The following ARMH3 variants were observed in gnomAD, a reference collection of about 807,000 sequenced individuals.
ARMH3 encodes armadillo like helical domain containing 3, also known as armadillo-like helical domain-containing protein 3.
ARMH3 carries 60 observed loss-of-function variants against 99.1 expected under a neutral mutation model. The observed-to-expected ratio is 0.61, with a 90% CI of 0.49 to 0.75. The LOEUF (loss-of-function observed/expected upper bound fraction) is 0.75, where lower values mean the gene tolerates loss of function less well. Among genes scored for constraint, ARMH3 ranks in the 30% least tolerant of loss-of-function variants. ARMH3 has a pLI of 0.00. For synonymous variants in ARMH3, 285 were observed against 292.8 expected (o/e 0.97, Z 0.27); for missense variants, 679 against 843.1 (o/e 0.81, Z 2.41).
chr10:101,995,666 C>T (rs924796024), intron 15 of ARMH3, among the ~76,000 whole-genome samples: 1 of 152,278 alleles, frequency 6.6e-6, no homozygotes, highest in Admixed American at 6.5e-5. Flanking sequence ...CTCACATCAG[C>T]CCTTTGCTGA....
At chr10:101,872,657 T>A (rs183747331) in intron 24 of ARMH3, among the ~76,000 whole-genome samples, 2 of 151,892 alleles carry the variant, frequency 1.3e-5, no homozygotes, top group Admixed American at 1.3e-4. Flanking sequence ...ACTAATAATA[T>A]TAAAAAGTTG....
intron 1 of ARMH3, among the ~76,000 whole-genome samples, chr10:102,045,103 C>T (rs1043763780): frequency 7.2e-6 from 1 of 138,140 alleles, no homozygotes; most frequent in African/African-American, 2.8e-5. Context: ...TGCATCCAGC[C>T]TGAGCAACAG....
intron 10 of ARMH3, among the ~76,000 whole-genome samples, chr10:102,012,294 T>C (rs544961145): frequency 2.0e-5 from 3 of 152,292 alleles, no homozygotes; most frequent in Admixed American, 1.3e-4. Flanking sequence ...CTGGTTTCCA[T>C]TCACTAATGT....
rs189479897 is a variant in ARMH3, at chr10:101,961,570, C to A, written c.1496-3838G>T. The stretch of plus-strand genomic sequence containing the variant: ...TTATGCCAAAAAAGACAGGTTTAGG[C>A]CAAAGAAGAAAATGCCCTGTGTCAG... On this transcript the variant is annotated intron_variant, in intron 20 of 25. Coordinates refer to ENST00000370033, the MANE Select transcript of ARMH3 (RefSeq NM_024541.3). Among the ~76,000 whole-genome samples the A allele has an allele frequency of 1.1e-4, 17 of 152,186 alleles. No individual in the cohort carries two copies. In the East Asian group the frequency reaches 3.1e-3, roughly 28 times the overall value.
chr10:102,021,478 G>A (rs1312368250), intron 8 of ARMH3, among the ~76,000 whole-genome samples: 2 of 151,858 alleles, frequency 1.3e-5, no homozygotes, highest in Non-Finnish European at 2.9e-5. Flanking sequence ...AAACTCCTGG[G>A]CTCAAGCAAT....
chr10:102,021,120 A>T (rs978611852), intron 8 of ARMH3, among the ~76,000 whole-genome samples: 1 of 152,174 alleles, frequency 6.6e-6, no homozygotes, highest in Non-Finnish European at 1.5e-5. Flanking sequence ...TTTGTCACCC[A>T]GGCTGGAGTG....
chr10:101,851,962 G>A (rs1417999323), intron 24 of ARMH3, among the ~76,000 whole-genome samples: 1 of 152,182 alleles, frequency 6.6e-6, no homozygotes, highest in East Asian at 1.9e-4. Context: ...CTGCACTCGT[G>A]GCTGGAATAT....
At chr10:101,849,721 C>G (rs1160622727) in intron 25 of ARMH3, 55 bp downstream of exon 25, 1 of 1,464,850 alleles carries the variant, frequency 6.8e-7, no homozygotes, top group Non-Finnish European at 9.5e-7. Flanking sequence ...AACTGCAGAA[C>G]CCAGTGGCTG....
intron 1 of ARMH3, among the ~76,000 whole-genome samples, chr10:102,055,791 G>A (rs2067833829): frequency 6.6e-6 from 1 of 152,328 alleles, no homozygotes; most frequent in South Asian, 2.1e-4. Flanking sequence ...GAAGCCAGAA[G>A]GCCCCGCAGG....
At chr10:101,960,664 G>A (rs1301253990) in intron 20 of ARMH3, among the ~76,000 whole-genome samples, 1 of 152,046 alleles carries the variant, frequency 6.6e-6, no homozygotes, top group Non-Finnish European at 1.5e-5. Flanking sequence ...GCTGAGGCAG[G>A]CTGATCATGA....
intron 24 of ARMH3, among the ~76,000 whole-genome samples, chr10:101,874,970 A>G (rs866926332): frequency 3.3e-5 from 5 of 152,296 alleles, no homozygotes; most frequent in Admixed American, 2.0e-4. Flanking sequence ...ATCCTGATAC[A>G]TACTCCATGA....
At chr10:101,997,057 G>A (rs900577680) in intron 15 of ARMH3, among the ~76,000 whole-genome samples, 1 of 152,124 alleles carries the variant, frequency 6.6e-6, no homozygotes, top group African/African-American at 2.4e-5. Context: ...CTGAGGTCAG[G>A]AGTTGGAGAC....
intron 23 of ARMH3, among the ~76,000 whole-genome samples, chr10:101,902,869 T>C (rs1040032417): frequency 6.6e-6 from 1 of 152,072 alleles, no homozygotes; most frequent in African/African-American, 2.4e-5. Context: ...TTCATCATAA[T>C]AGTGCAACAA....
intron 5 of ARMH3, among the ~76,000 whole-genome samples, chr10:102,027,957 G>A (rs540815068): frequency 6.0e-5 from 9 of 151,250 alleles, no homozygotes; most frequent in Non-Finnish European, 8.8e-5. Flanking sequence ...TATCTGATAA[G>A]GGACATATTC....
chr10:101,849,923 A>AAG, intron 24 of ARMH3, 31 bp from the exon 25 acceptor site: 1 of 1,596,896 alleles, frequency 6.3e-7, no homozygotes, highest in East Asian at 2.2e-5. Flanking sequence ...GGCAGGGCTT[A>AAG]GGCCATGCAA....
chr10:102,014,827 T>C (rs1348062933), intron 8 of ARMH3, among the ~76,000 whole-genome samples: 1 of 152,156 alleles, frequency 6.6e-6, no homozygotes, highest in Non-Finnish European at 1.5e-5. Flanking sequence ...TGAGAACCAA[T>C]GACCTCTCCT....
chr10:102,024,374 G>A (rs1019614667), intron 6 of ARMH3, among the ~76,000 whole-genome samples: 2 of 150,334 alleles, frequency 1.3e-5, no homozygotes, highest in East Asian at 2.0e-4. Context: ...GTTCAAACCC[G>A]GGAGATGGTG....
chr10:101,918,345 C>A (rs1032462218), intron 23 of ARMH3, among the ~76,000 whole-genome samples: 4 of 152,132 alleles, frequency 2.6e-5, no homozygotes, highest in Admixed American at 6.5e-5. Flanking sequence ...TAAGCCACTG[C>A]GCCTGGCCAT....
chr10:102,040,256 T>C (rs1316152002), intron 1 of ARMH3, 131 bp from the exon 2 acceptor site: 1 of 744,636 alleles, frequency 1.3e-6, no homozygotes, highest in African/African-American at 1.7e-5. Context: ...ATGTAAACTG[T>C]GGACTTTGGG....
Sources: gnomAD v4.1 joint callset for allele counts (sites outside exome capture counted in the v4.1 genomes callset) on GRCh38, gnomAD v4.1.1 for gene constraint, MANE v1.5 for transcripts, NCBI Gene and HGNC (gene_info 2026-07-23, HGNC 2026-07-21) for gene names.